PREX1: variants seen among roughly 807,000 people sequenced by gnomAD.
PREX1 encodes phosphatidylinositol 3,4,5-trisphosphate-dependent Rac exchanger 1 protein.
Under a neutral mutation model 198.3 loss-of-function variants are expected in PREX1, and 41 were observed. The observed-to-expected ratio is 0.21, with a 90% confidence interval of 0.16 to 0.27. The LOEUF (loss-of-function observed/expected upper bound fraction) is 0.27, where lower values mean the gene tolerates loss of function less well. PREX1 is among the 10% of genes least tolerant of loss of function. PREX1 has a pLI of 1.00. For missense variants in PREX1, 1,620 were observed against 2,200.7 expected, an observed-to-expected ratio of 0.74 and a Z score of 5.28; for synonymous variants, 843 against 887.2, an observed-to-expected ratio of 0.95 and a Z score of 0.89.
intron 1 of PREX1, among the ~76,000 whole-genome samples, chr20:48,811,119 GA>G (rs1335638187): frequency 6.6e-6 from 1 of 152,152 alleles, no homozygotes; most frequent in Non-Finnish European, 1.5e-5. Flanking sequence ...TAAGAAGCCA[GA>G]AATAATAGGT....
chr20:48,705,033 T>G (rs914500058), intron 6 of PREX1, among the ~76,000 whole-genome samples: 5 of 152,196 alleles, frequency 3.3e-5, no homozygotes, highest in Admixed American at 6.5e-5. Flanking sequence ...AATAAAGAGA[T>G]CCCACTTTGC....
chr20:48,878,031 C>T, the PREX1 span, among the ~76,000 whole-genome samples: 1 of 152,116 alleles, frequency 6.6e-6, no homozygotes. Context: ...ATCGCTTGAA[C>T]CCAGGAAGCG....
At chr20:48,736,400 CAAT>C (rs2090057227) in intron 3 of PREX1, among the ~76,000 whole-genome samples, 1 of 152,204 alleles carries the variant, frequency 6.6e-6, no homozygotes, top group Admixed American at 6.5e-5. Flanking sequence ...ACACCACCAC[CAAT>C]GTCAGCATGC....
At chr20:48,870,690 G>A in the PREX1 span, among the ~76,000 whole-genome samples, 1 of 152,108 alleles carries the variant, frequency 6.6e-6, no homozygotes, top group African/African-American at 2.4e-5. Context: ...GCTCACGCCT[G>A]TAATCCCAGC....
chr20:48,676,090 C>A, intron 14 of PREX1, 103 bp downstream of exon 14: 1 of 1,189,778 alleles, frequency 8.4e-7, no homozygotes, highest in Non-Finnish European at 1.2e-6. Flanking sequence ...GTGCAGTTTG[C>A]CACAATTAAA....
chr20:48,705,123 C>A (rs1408788561), intron 6 of PREX1, among the ~76,000 whole-genome samples: 1 of 152,238 alleles, frequency 6.6e-6, no homozygotes, highest in African/African-American at 2.4e-5. Flanking sequence ...ATCAACTCCC[C>A]CGTCCTCAAG....
chr20:48,826,519 G>T (rs1257735854), intron 1 of PREX1, among the ~76,000 whole-genome samples: 1 of 152,180 alleles, frequency 6.6e-6, no homozygotes, highest in African/African-American at 2.4e-5. Context: ...TGCGATCCCA[G>T]ACAAGCTACC....
chr20:48,749,607 G>A (rs998886322), intron 1 of PREX1, among the ~76,000 whole-genome samples: 1 of 152,140 alleles, frequency 6.6e-6, no homozygotes, highest in Non-Finnish European at 1.5e-5. Flanking sequence ...GTCCATGCCT[G>A]CCCCCGGGAG....
chr20:48,759,316 G>A (rs1568853453), intron 1 of PREX1, among the ~76,000 whole-genome samples: 1 of 152,066 alleles, frequency 6.6e-6, no homozygotes, highest in Non-Finnish European at 1.5e-5. Flanking sequence ...TTGGGAGGCT[G>A]AGATGGGTGG....
upstream of PREX1, among the ~76,000 whole-genome samples, chr20:48,828,086 C>T (rs1354940822): frequency 6.8e-6 from 1 of 147,902 alleles, no homozygotes; most frequent in Non-Finnish European, 1.5e-5. Context: ...GGCTCCCAGA[C>T]GGCTGGCCCC....
At chr20:48,678,490 A>C (rs1223619654) in intron 13 of PREX1, among the ~76,000 whole-genome samples, 1 of 151,680 alleles carries the variant, frequency 6.6e-6, no homozygotes, top group Non-Finnish European at 1.5e-5. Flanking sequence ...AAGAAGAAGA[A>C]AATTAAAATG....
At chr20:48,744,997 C>A (rs757130009) in intron 3 of PREX1, 28 bp downstream of exon 3, 20 of 1,610,178 alleles carry the variant, frequency 1.2e-5, no homozygotes, top group Non-Finnish European at 1.6e-5. Context: ...AAACTAGAGT[C>A]CACCAGGGGC....
intron 1 of PREX1, among the ~76,000 whole-genome samples, chr20:48,785,611 G>A (rs1367655971): frequency 1.3e-5 from 2 of 152,170 alleles, no homozygotes; most frequent in Admixed American, 6.5e-5. Flanking sequence ...GCTGATGTTC[G>A]GACTCCAGGG....
intron 1 of PREX1, among the ~76,000 whole-genome samples, chr20:48,819,846 A>G (rs1046941803): frequency 6.6e-6 from 1 of 152,230 alleles, no homozygotes; most frequent in African/African-American, 2.4e-5. Context: ...ATGGCCATTT[A>G]TTGAATGAAT....
the PREX1 span, among the ~76,000 whole-genome samples, chr20:48,837,536 G>T: frequency 3.3e-5 from 5 of 152,194 alleles, no homozygotes; most frequent in African/African-American, 1.2e-4. Context: ...GGACGGAGCT[G>T]TAGGCCATTA....
chr20:48,702,044 T>C (rs555054015), intron 6 of PREX1, among the ~76,000 whole-genome samples: 7 of 152,022 alleles, frequency 4.6e-5, no homozygotes, highest in Non-Finnish European at 4.4e-5. Context: ...ACCCCATCTC[T>C]ACAAAAATAC....
At chr20:48,802,821 C>T (rs1424270019) in intron 1 of PREX1, among the ~76,000 whole-genome samples, 1 of 152,214 alleles carries the variant, frequency 6.6e-6, no homozygotes, top group Non-Finnish European at 1.5e-5. Flanking sequence ...GTGGGAATCC[C>T]CCATTCCCTT....
intron 1 of PREX1, among the ~76,000 whole-genome samples, chr20:48,767,790 G>A (rs1052406642): frequency 2.0e-5 from 3 of 151,392 alleles, no homozygotes; most frequent in African/African-American, 4.9e-5. Flanking sequence ...GCTGTTCCCC[G>A]CCCCTCATCG....
chr20:48,881,789 A>G, the PREX1 span, among the ~76,000 whole-genome samples: 1 of 152,196 alleles, frequency 6.6e-6, no homozygotes, highest in Non-Finnish European at 1.5e-5. Context: ...CTGGCCTACA[A>G]TTCATCTTTA....
Sources: allele counts gnomAD v4.1 joint callset (sites outside exome capture counted in the v4.1 genomes callset), GRCh38; gene constraint gnomAD v4.1.1; transcripts MANE v1.5; gene names NCBI Gene and HGNC (gene_info 2026-07-23, HGNC 2026-07-21).